KCNK12: variants seen among roughly 807,000 people sequenced by gnomAD.
The protein encoded by KCNK12 is potassium two pore domain channel subfamily K member 12, also known as potassium channel subfamily K member 12.
KCNK12 carries 6 observed loss-of-function variants against 25.3 expected under a neutral mutation model. The observed-to-expected ratio is 0.24, with a 90% confidence interval of 0.13 to 0.47. KCNK12 has a LOEUF of 0.47. KCNK12 is among the 20% of genes least tolerant of loss of function. The pLI is 0.99. For synonymous variants in KCNK12, 331 were observed against 311.1 expected (o/e 1.06, Z -0.67); for missense variants, 444 against 661.7 (o/e 0.67, Z 3.61).
intron 1 of KCNK12, among the ~76,000 whole-genome samples, chr2:47,559,590 TGTTA>T (rs1436990967): frequency 1.3e-5 from 2 of 152,242 alleles, no homozygotes; most frequent in Admixed American, 1.3e-4. Flanking sequence ...GTTATTATCA[TGTTA>T]TTAATTGTAA....
chr2:47,534,659 TGAA>T (rs1448555202), intron 1 of KCNK12, among the ~76,000 whole-genome samples: 1 of 151,578 alleles, frequency 6.6e-6, no homozygotes, highest in Admixed American at 6.6e-5. Context: ...AGCAATGAGA[TGAA>T]GAAAGCTCTG....
intron 1 of KCNK12, among the ~76,000 whole-genome samples, chr2:47,539,322 C>T (rs1490580011): frequency 1.3e-5 from 2 of 152,130 alleles, no homozygotes; most frequent in Non-Finnish European, 2.9e-5. Context: ...GTGTTTTGTT[C>T]ATAGTGTTTA....
At chr2:47,534,427 T>C (rs1669006054) in intron 1 of KCNK12, among the ~76,000 whole-genome samples, 1 of 98,088 alleles carries the variant, frequency 1.0e-5, no homozygotes, top group Non-Finnish European at 1.8e-5. Context: ...ACAGCCCGTC[T>C]CCAGGCCCCC....
rs149722215 is a variant in KCNK12 at position 47,554,153 on chromosome 2, A to C, written c.391+15788T>G. The stretch of plus-strand genomic sequence containing the variant: ...AGCTTTGGAAGTTCATCTATTCAAC[A>C]AACACAAGGTACTGTGCTAGGCAAT... On this transcript the variant is annotated intron_variant, in intron 1 of 1. Transcript: ENST00000327876. Among the ~76,000 whole-genome samples the C allele has an allele frequency of 1.0e-3, 152 of 152,326 alleles. 1 individual carries two copies. The highest frequency in any genetic ancestry group is 3.5e-3 in the African/African-American group (147 of 41,566).
chr2:47,521,861 CT>C, intron 1 of KCNK12, 53 bp from the exon 2 acceptor site: 1 of 757,820 alleles, frequency 1.3e-6, no homozygotes, highest in Admixed American at 3.8e-5. Flanking sequence ...GTGGTCCTCA[CT>C]GGGCGAGGGT....
In KCNK12 at chr2:47,568,919, C is replaced by T. The variant is rs144494526; in HGVS notation, c.391+1022G>A. On this transcript the variant is annotated intron_variant, in intron 1 of 1. Coordinates refer to ENST00000327876, the MANE Select transcript of KCNK12 (RefSeq NM_022055.2). ...TGCTGCACTCTATACAGGTGAGTAACCGAGGGTGGGGGCTTTGTTTCACAT... is the reference window on the plus strand; with the variant it reads ...TGCTGCACTCTATACAGGTGAGTAATCGAGGGTGGGGGCTTTGTTTCACAT... 5.9e-3 allele frequency among the ~76,000 whole-genome samples: 890 copies of T among 152,116 alleles called. 4 individuals carry two copies. The highest frequency in any genetic ancestry group is 0.027 in the Middle Eastern group (8 of 294).
In KCNK12 at chr2:47,521,823, C is replaced by G; in HGVS notation, c.392-15G>C. 6.7e-7 allele frequency: 1 copy of G among 1,503,322 alleles called. No homozygotes were observed. 93.1% of individuals were successfully genotyped at this position (1,503,322 alleles called of 1,614,324 possible). A position where few individuals can be genotyped will look rare whatever the true frequency, so the allele number is the denominator to read the frequency against. ...CATGCCGAAACCTGTGGAGACAGGGCAGGGTCAGCGCGGTCCTGGCCGCGC... is the reference window on the plus strand; with the variant it reads ...CATGCCGAAACCTGTGGAGACAGGGGAGGGTCAGCGCGGTCCTGGCCGCGC... On this transcript the variant is annotated splice_polypyrimidine_tract_variant and intron_variant, in intron 1 of 1. Coordinates refer to ENST00000327876, the MANE Select transcript of KCNK12 (RefSeq NM_022055.2).
At chr2:47,537,121 G>A (rs952567170) in intron 1 of KCNK12, among the ~76,000 whole-genome samples, 6 of 152,300 alleles carry the variant, frequency 3.9e-5, no homozygotes, top group South Asian at 2.1e-4. Context: ...GCCAGCTCTC[G>A]GCGCTCAGGG....
In KCNK12 at chr2:47,557,287, G is replaced by A. The variant is rs1026008283; in HGVS notation, c.391+12654C>T. ...TTGGTTATTGCGGGAGTGGGCTCCT[G>A]ATAAAAGGATGAGTTTGGGCTGATT... On this transcript the variant is annotated intron_variant, in intron 1 of 1. Transcript: ENST00000327876. The surrounding 1 kb of genome is among the most constrained non-coding windows in gnomAD (Gnocchi z 4.9). Among the ~76,000 whole-genome samples the A allele has an allele frequency of 3.9e-5, 6 of 152,186 alleles. No homozygotes were observed. The highest frequency in any genetic ancestry group is 1.4e-4 in the African/African-American group (6 of 41,446).
chr2:47,561,452 A>G (rs1669667478), intron 1 of KCNK12, among the ~76,000 whole-genome samples: 1 of 152,200 alleles, frequency 6.6e-6, no homozygotes, highest in Admixed American at 6.5e-5. Flanking sequence ...CACACCCGAG[A>G]GGCAGTGACC....
At chr2:47,526,727 C>T (rs757403632) in intron 1 of KCNK12, among the ~76,000 whole-genome samples, 3 of 152,060 alleles carry the variant, frequency 2.0e-5, no homozygotes, top group African/African-American at 7.2e-5. Flanking sequence ...AGCGAAACTC[C>T]GTCTCAAAAA....
chr2:47,538,959 T>C lies in KCNK12; in HGVS notation c.392-17151A>G, dbSNP rs1263629762. Among the ~76,000 whole-genome samples the C allele has an allele frequency of 6.6e-6, 1 of 152,274 alleles. No individual in the cohort carries two copies. The highest frequency in any genetic ancestry group is 2.4e-5 in the African/African-American group (1 of 41,474). On this transcript the variant is annotated intron_variant, in intron 1 of 1. Transcript: ENST00000327876. This position sits in a 1 kb window ranked among gnomAD's most constrained non-coding sequence, Gnocchi z 4.5. ...AGATTTCAAGCAACAGCAGATATGCTGAATTTATTTGATAACTGTCTTCTT... is the reference window on the plus strand; with the variant it reads ...AGATTTCAAGCAACAGCAGATATGCCGAATTTATTTGATAACTGTCTTCTT...
Position 47,570,034 on chromosome 2 carries a change from C to T in KCNK12, c.298G>A (p.Ala100Thr). The T allele has an allele frequency of 1.4e-6, 2 of 1,421,692 alleles. No individual in the cohort carries two copies. Among genetic ancestry groups the T allele is most frequent in the Admixed American group, 3.2e-5 (1 of 31,716 alleles). 88.1% of individuals were successfully genotyped at this position (1,421,692 alleles called of 1,614,324 possible). A position where few individuals can be genotyped will look rare whatever the true frequency, so the allele number is the denominator to read the frequency against. Residue 100 changes from alanine to threonine, a missense_variant, in exon 1 of 2, where the codon GCG (alanine) becomes ACG (threonine). Transcript: ENST00000327876. ...LRAFLRHYEA[A>T]LAAGVRADAL... ...TCGGCGCGGACGCCGGCGGCCAGCG[C>T]GGCCTCGTAGTGCCGGAGGAAGGCG...
At chr2:47,542,378 A>G (rs979948132) in intron 1 of KCNK12, among the ~76,000 whole-genome samples, 2 of 152,258 alleles carry the variant, frequency 1.3e-5, no homozygotes, top group Non-Finnish European at 2.9e-5. Context: ...TCTGAGATTC[A>G]GTGCAACACT....
chr2:47,562,774 C>G lies in KCNK12; in HGVS notation c.391+7167G>C, dbSNP rs957740492. ...CCTGCAGTTTCAAGCCCCTCCACCC[C>G]CTGTTCCTCACCAACTCTCCCCGTG... On this transcript the variant is annotated intron_variant, in intron 1 of 1. Transcript: ENST00000327876. The surrounding 1 kb of genome is among the most constrained non-coding windows in gnomAD (Gnocchi z 4.8). 8 of 233,184 alleles carry G rather than the reference C, an allele frequency of 3.4e-5. No homozygotes were observed. The highest frequency in any genetic ancestry group is 1.8e-4 in the South Asian group (1 of 5,518). The allele number at this position is 233,184 out of a possible 1,614,324, so 14.4% of individuals were successfully genotyped here.
intron 1 of KCNK12, among the ~76,000 whole-genome samples, chr2:47,526,275 G>A (rs1248991771): frequency 1.3e-5 from 2 of 151,366 alleles, no homozygotes; most frequent in Non-Finnish European, 3.0e-5. Flanking sequence ...GTGTGGCGGC[G>A]GGTGCCTGTA....
In KCNK12 at chr2:47,541,378, A is replaced by C. The variant is rs1669194929; in HGVS notation, c.392-19570T>G. ...TGGCTTTTAGTCACCAGCAATAGCAATTTCTGAAAATCACCAAGCCACACC... is the reference window on the plus strand; with the variant it reads ...TGGCTTTTAGTCACCAGCAATAGCACTTTCTGAAAATCACCAAGCCACACC... On this transcript the variant is annotated intron_variant, in intron 1 of 1. Transcript: ENST00000327876. 5.9e-5 allele frequency among the ~76,000 whole-genome samples: 9 copies of C among 152,172 alleles called. No individual in the cohort carries two copies. The South Asian group carries it at 1.9e-3, about 32-fold the overall frequency.
rs866782598 is a variant in KCNK12, at chr2:47,517,602, A to C, written c.*3305T>G. The C allele has an allele frequency of 1.3e-5, 2 of 152,098 alleles. No individual in the cohort carries two copies. The highest frequency in any genetic ancestry group is 2.4e-5 in the African/African-American group (1 of 41,406). The allele number at this position is 152,098 out of a possible 1,614,324, so 9.4% of individuals were successfully genotyped here. On this transcript the variant is annotated 3_prime_UTR_variant, in exon 2 of 2. Transcript: ENST00000327876. The surrounding 1 kb of genome is among the most constrained non-coding windows in gnomAD (Gnocchi z 4.1). ...TATGTGTGTGTGTATATATATATAC[A>C]TATATGCATGATGCTGTGCAAATGC...
rs539402196 is a variant in KCNK12 at position 47,515,522 on chromosome 2, T to C, written c.*5385A>G. Among the ~76,000 whole-genome samples, 2 of 152,338 alleles carry C rather than the reference T, an allele frequency of 1.3e-5. No individual in the cohort carries two copies. The highest frequency in any genetic ancestry group is 2.1e-4 in the South Asian group (1 of 4,828). ...AAAATAGTGCATGATCTGTACAGTA[T>C]AGTTGTAGAAAACTTCTTGTTTTAT... On this transcript the variant is annotated 3_prime_UTR_variant, in exon 2 of 2. Transcript: ENST00000327876.
Sources: allele counts gnomAD v4.1 joint callset (sites outside exome capture counted in the v4.1 genomes callset), GRCh38; gene constraint gnomAD v4.1.1; non-coding constraint Gnocchi (gnomAD v3.1); transcripts MANE v1.5; gene names NCBI Gene and HGNC (gene_info 2026-07-23, HGNC 2026-07-21).